Variants in DMD observed in about 807,000 individuals in gnomAD.
The protein encoded by DMD is mutant dystrophin.
Under a neutral mutation model 330.1 loss-of-function variants are expected in DMD, and 63 were observed. The observed-to-expected ratio is 0.19, with a 90% CI of 0.16 to 0.24. DMD has a LOEUF of 0.24. Among genes scored for constraint, DMD ranks in the 10% least tolerant of loss-of-function variants. DMD has a pLI of 1.00. For missense variants in DMD, 3,344 were observed against 2,684.1 expected (o/e 1.25, Z -5.43); for synonymous variants, 1,223 against 959.8 (o/e 1.27, Z -5.07).
intron 9 of DMD, among the ~76,000 whole-genome samples, chrX:32,695,950 G>T (rs1273027420): frequency 8.9e-6 from 1 of 111,852 alleles, no homozygotes; most frequent in Non-Finnish European, 1.9e-5. Flanking sequence ...GTGGTAGAAA[G>T]TTAGGAGAGC....
At chrX:31,805,637 T>A (rs772418247) in intron 50 of DMD, among the ~76,000 whole-genome samples, 1 of 112,110 alleles carries the variant, frequency 8.9e-6, no homozygotes, top group South Asian at 3.8e-4. Flanking sequence ...TACTCATCAT[T>A]TTTTCAAATG....
At chrX:32,729,656 T>G (rs1231207384) in intron 7 of DMD, among the ~76,000 whole-genome samples, 3 of 111,965 alleles carry the variant, frequency 2.7e-5, no homozygotes, top group African/African-American at 9.7e-5. Context: ...TATGCCAAAT[T>G]TAATAGAGTA....
At chrX:31,196,599 C>T (rs1002493280) in intron 67 of DMD, among the ~76,000 whole-genome samples, 2 of 108,932 alleles carry the variant, frequency 1.8e-5, no homozygotes, top group South Asian at 4.1e-4. Flanking sequence ...CTGAGGTGGG[C>T]GGATCACAAG....
At chrX:32,315,302 C>T (rs1422080529) in intron 41 of DMD, among the ~76,000 whole-genome samples, 3 of 111,103 alleles carry the variant, frequency 2.7e-5, no homozygotes, top group Non-Finnish European at 5.7e-5. Context: ...AAACCAAACA[C>T]TGCATGTTCT....
At chrX:31,541,391 G>A (rs915546723) in intron 55 of DMD, among the ~76,000 whole-genome samples, 2 of 109,249 alleles carry the variant, frequency 1.8e-5, no homozygotes, top group African/African-American at 3.3e-5. Context: ...CACAACGTGC[G>A]GGTTTGTTAC....
intron 42 of DMD, among the ~76,000 whole-genome samples, chrX:32,309,212 G>A (rs2097551674): frequency 9.0e-6 from 1 of 111,340 alleles, no homozygotes; most frequent in African/African-American, 3.2e-5. Flanking sequence ...ATTCATACAG[G>A]CAAATGTGTG....
chrX:33,152,688 C>G (rs2148633245), intron 1 of DMD, among the ~76,000 whole-genome samples: 1 of 110,965 alleles, frequency 9.0e-6, no homozygotes, highest in East Asian at 2.9e-4. Context: ...TATGGAAAAC[C>G]ATTAAGACCC....
intron 7 of DMD, among the ~76,000 whole-genome samples, chrX:32,736,235 A>T (rs1415897284): frequency 1.8e-5 from 2 of 111,817 alleles, no homozygotes; most frequent in Non-Finnish European, 3.8e-5. Context: ...CACACCAGTT[A>T]GAATGGCGAT....
chrX:31,639,327 T>C (rs2148494216), intron 54 of DMD, among the ~76,000 whole-genome samples: 1 of 111,835 alleles, frequency 8.9e-6, no homozygotes, highest in South Asian at 3.7e-4. Context: ...TGACAGCACT[T>C]TGGAATATCC....
chrX:33,029,310 A>G (rs1303260585), intron 1 of DMD, among the ~76,000 whole-genome samples: 1 of 112,460 alleles, frequency 8.9e-6, no homozygotes, highest in African/African-American at 3.2e-5. Flanking sequence ...TAAAAAATTA[A>G]GAGAAAGAAT....
intron 34 of DMD, among the ~76,000 whole-genome samples, chrX:32,376,364 C>A (rs1461388941): frequency 9.0e-6 from 1 of 111,609 alleles, no homozygotes; most frequent in Non-Finnish European, 1.9e-5. Flanking sequence ...GCTAGTAGTA[C>A]CTCTCTGAAG....
intron 1 of DMD, among the ~76,000 whole-genome samples, chrX:33,318,890 C>T (rs1170328557): frequency 9.0e-6 from 1 of 111,258 alleles, no homozygotes; most frequent in Non-Finnish European, 1.9e-5. Flanking sequence ...ATTTTGCTTG[C>T]AATGTTGCTA....
rs201374538 is a variant in DMD, at chrX:32,174,755, A to ATT, written c.6438+42159_6438+42160dup. Among the ~76,000 whole-genome samples, 7 of 105,290 alleles carry ATT rather than the reference A, an allele frequency of 6.6e-5. No homozygotes were observed. The South Asian group carries it at 1.2e-3, about 18-fold the overall frequency. The allele number at this position is 105,290 out of a possible 115,157, so 91.4% of individuals were successfully genotyped here. On this transcript the variant is annotated intron_variant, in intron 44 of 78. Transcript: ENST00000357033. ...ATTACTTTTTTCCCCTTCTATAGAT[A>ATT]TTTTTTTTTTTTCCTGGAAGGAGCT... is the stretch of plus-strand genomic sequence containing the variant.
intron 43 of DMD, among the ~76,000 whole-genome samples, chrX:32,251,859 T>C (rs1432819087): frequency 9.1e-6 from 1 of 110,176 alleles, no homozygotes; most frequent in African/African-American, 3.3e-5. Context: ...CAAATGCCTG[T>C]AGTAGTCCCA....
rs763829732 is a variant in DMD at position 33,177,437 on chromosome X, T to G, written c.31+33845A>C. ...TCTCACTCTGTCACTCAGGCTGGAG[T>G]GCAGTGGTGCAATCTCGGCTCACTG... On this transcript the variant is annotated intron_variant, in intron 1 of 78. Coordinates refer to ENST00000357033, the MANE Select transcript of DMD (RefSeq NM_004006.3). 6.3e-5 allele frequency among the ~76,000 whole-genome samples: 7 copies of G among 111,989 alleles called. 1 individual carries two copies. The South Asian group carries it at 2.6e-3, about 42-fold the overall frequency.
At chrX:32,942,350 C>A (rs2090483118) in intron 2 of DMD, among the ~76,000 whole-genome samples, 1 of 111,623 alleles carries the variant, frequency 9.0e-6, no homozygotes, top group African/African-American at 3.3e-5. Flanking sequence ...TGAGACCAGC[C>A]TGGCCAACAT....
rs1336189163 is a variant in DMD, at chrX:33,112,815, C to T, written c.32-92615G>A. Among the ~76,000 whole-genome samples, 3 of 108,284 alleles carry T rather than the reference C, an allele frequency of 2.8e-5. No individual in the cohort carries two copies. The East Asian group carries it at 8.9e-4, about 32-fold the overall frequency. The allele number at this position is 108,284 out of a possible 115,157, so 94.0% of individuals were successfully genotyped here. A position where few individuals can be genotyped will look rare whatever the true frequency, so the allele number is the denominator to read the frequency against. ...TTAAAGTAAGAATATCGGCCAGGCG[C>T]GGTGGCTCGTGCCTGTAATCCCAGC... On this transcript the variant is annotated intron_variant, in intron 1 of 78. Coordinates refer to ENST00000357033, the MANE Select transcript of DMD (RefSeq NM_004006.3).
intron 63 of DMD, among the ~76,000 whole-genome samples, chrX:31,236,452 T>TA (rs1338039880): frequency 2.7e-5 from 3 of 112,538 alleles, no homozygotes; most frequent in Non-Finnish European, 5.6e-5. Context: ...ACGTGAGCAC[T>TA]AAAGAGATCT....
chrX:32,645,865 C>T (rs956766062), intron 9 of DMD, among the ~76,000 whole-genome samples: 1 of 112,033 alleles, frequency 8.9e-6, no homozygotes, highest in African/African-American at 3.2e-5. Flanking sequence ...TCCGTCTGGA[C>T]CCTAAAGCCA....
Sources: gnomAD v4.1 joint callset for allele counts (sites outside exome capture counted in the v4.1 genomes callset) on GRCh38, gnomAD v4.1.1 for gene constraint, MANE v1.5 for transcripts, NCBI Gene and HGNC (gene_info 2026-07-23, HGNC 2026-07-21) for gene names.